Variants in SRP19 observed in about 807,000 individuals in gnomAD.
The protein encoded by SRP19 is signal recognition particle 19.
Under a neutral mutation model 22.4 loss-of-function variants are expected in SRP19, and 11 were observed. That is an observed-to-expected ratio of 0.49 (90% confidence interval 0.31 to 0.81). SRP19 has a LOEUF of 0.81. Ranked by LOEUF, SRP19 falls within the 40% of genes least tolerant of loss-of-function variation. The probability of loss-of-function intolerance (pLI) is 0.05; values close to 1 mark genes in which losing one functional copy is unlikely to be tolerated. For missense variants in SRP19, 168 were observed against 175.9 expected, an observed-to-expected ratio of 0.96 and a Z score of 0.25; for synonymous variants, 61 against 57.6, an observed-to-expected ratio of 1.06 and a Z score of -0.27.
chr5:112,878,874 G>A, intron 4 of SRP19: 1 of 1,613,538 alleles, frequency 6.2e-7, no homozygotes, highest in Non-Finnish European at 8.5e-7. Flanking sequence ...ATATATCAAA[G>A]CTCTTTCTTT....
intron 4 of SRP19, chr5:112,877,054 A>ATACT (rs1767916573): frequency 1.3e-5 from 2 of 152,048 alleles, no homozygotes; most frequent in South Asian, 2.1e-4. Flanking sequence ...ATACTCCTAG[A>ATACT]TACTTAAAAT....
At position 112,861,389 on chromosome 5, in the gene SRP19, G is replaced by A; in HGVS notation, c.13G>A (p.Ala5Thr). 6.2e-7 allele frequency: 1 copy of A among 1,614,146 alleles called. No individual in the cohort carries two copies. The highest frequency in any genetic ancestry group is 8.5e-7 in the Non-Finnish European group (1 of 1,180,036). The change falls in exon 1 of 5, where the codon GCC becomes ACC. Residue 5 changes from alanine (A) to threonine (T), a missense_variant. By Grantham distance (58) the Ala-to-Thr change is moderately conservative (BLOSUM62 0). Transcript: ENST00000505459. The part of the protein sequence containing the change: MACA[A>T]ARSPADQDRF... ...GACTCTTGTGAAGATGGCTTGCGCT[G>A]CCGCGCGGTCCCCGGCCGACCAGGA... is the stretch of plus-strand genomic sequence containing the variant.
chr5:112,878,652 A>G, intron 4 of SRP19: 1 of 1,291,582 alleles, frequency 7.7e-7, no homozygotes, highest in Non-Finnish European at 1.1e-6. Flanking sequence ...AACTTACAAC[A>G]CATTCCAATC....
At chr5:112,883,554 G>A (rs773503521) in intron 4 of SRP19, among the ~76,000 whole-genome samples, 12 of 152,192 alleles carry the variant, frequency 7.9e-5, no homozygotes, top group East Asian at 5.8e-4. Context: ...ACTCCCCAGC[G>A]TTCAGTCTTT....
chr5:112,863,281 T>A (rs1456808210), intron 2 of SRP19, among the ~76,000 whole-genome samples: 1 of 152,228 alleles, frequency 6.6e-6, no homozygotes, highest in Non-Finnish European at 1.5e-5. Context: ...TAATTTTGTA[T>A]CTTTTTTTCA....
chr5:112,883,303 T>C (rs1768134177), intron 4 of SRP19, among the ~76,000 whole-genome samples: 1 of 152,190 alleles, frequency 6.6e-6, no homozygotes, highest in African/African-American at 2.4e-5. Flanking sequence ...ACAAAATCTG[T>C]GTTATCAAAA....
At chr5:112,888,524 A>T (rs1416892770) in intron 4 of SRP19, among the ~76,000 whole-genome samples, 2 of 152,180 alleles carry the variant, frequency 1.3e-5, no homozygotes. Flanking sequence ...CTGGGTTCAA[A>T]CAATCTTCCC....
At chr5:112,862,474 C>G (rs749806969) in intron 1 of SRP19, 34 bp from the exon 2 acceptor site, 2 of 1,595,932 alleles carry the variant, frequency 1.3e-6, no homozygotes, top group Non-Finnish European at 8.6e-7. Flanking sequence ...TCTTACTGCT[C>G]TAGTGATACC....
chr5:112,884,691 C>A (rs191713550), intron 4 of SRP19, among the ~76,000 whole-genome samples: 1 of 151,594 alleles, frequency 6.6e-6, no homozygotes, highest in Admixed American at 6.6e-5. Context: ...GATTCCTTTA[C>A]TACTATTGAG....
chr5:112,881,710 G>A (rs1249210996), intron 4 of SRP19, among the ~76,000 whole-genome samples: 1 of 152,008 alleles, frequency 6.6e-6, no homozygotes, highest in South Asian at 2.1e-4. Context: ...GGGCTACTTT[G>A]CCTTAGTTCT....
At chr5:112,892,095 A>G (rs777764337) in exon 5 of SRP19, 59 of 1,613,272 alleles carry the variant, frequency 3.7e-5, no homozygotes, top group Non-Finnish European at 4.9e-5. Context: ...AAAATGATTT[A>G]GAAAATAGTA....
downstream of SRP19, chr5:112,896,633 C>A (rs1768687841): frequency 6.6e-6 from 1 of 152,030 alleles, no homozygotes; most frequent in Non-Finnish European, 1.5e-5. Context: ...GTTTACTCAA[C>A]CTTGTTCTAA....
chr5:112,861,287 G>C lies in SRP19; in HGVS notation c.-90G>C. The C allele has an allele frequency of 6.8e-7, 1 of 1,473,040 alleles. No homozygotes were observed. Among genetic ancestry groups the C allele is most frequent in the Non-Finnish European group, 9.5e-7 (1 of 1,052,032 alleles). 91.2% of individuals were successfully genotyped at this position (1,473,040 alleles called of 1,614,324 possible). A position where few individuals can be genotyped will look rare whatever the true frequency, so the allele number is the denominator to read the frequency against. On this transcript the variant is annotated 5_prime_UTR_variant, in exon 1 of 5. Coordinates refer to ENST00000505459, the MANE Select transcript of SRP19 (RefSeq NM_003135.3). Reference sequence around the variant, plus strand: ...TGGGCAGGACTTCCGGCGGAAAAGCGGGCTGTCTCGGAAACTCAGAGCCGG... The same window carrying C: ...TGGGCAGGACTTCCGGCGGAAAAGCCGGCTGTCTCGGAAACTCAGAGCCGG...
Position 112,867,639 on chromosome 5 carries a change from A to C in SRP19, c.*102A>C. ...CAGAAGCTTTTTGTTTGCATCATTT[A>C]ACTGAACTGTGAACCCTTGTGCCTC... On this transcript the variant is annotated 3_prime_UTR_variant, in exon 5 of 5. Coordinates refer to ENST00000505459, the MANE Select transcript of SRP19 (RefSeq NM_003135.3). 7.1e-7 allele frequency: 1 copy of C among 1,399,910 alleles called. No individual in the cohort carries two copies. Among genetic ancestry groups the C allele is most frequent in the Non-Finnish European group, 9.3e-7 (1 of 1,072,742 alleles). 86.7% of individuals were successfully genotyped at this position (1,399,910 alleles called of 1,614,324 possible). A position where few individuals can be genotyped will look rare whatever the true frequency, so the allele number is the denominator to read the frequency against.
intron 4 of SRP19, chr5:112,887,244 A>G (rs1445895851): frequency 1.3e-5 from 19 of 1,425,550 alleles, no homozygotes; most frequent in Admixed American, 2.1e-5. Flanking sequence ...TTCTGAGAAT[A>G]CACACTGTCT....
exon 5 of SRP19, chr5:112,892,413 G>C (rs1768502354): frequency 6.2e-7 from 1 of 1,614,130 alleles, no homozygotes; most frequent in Non-Finnish European, 8.5e-7. Flanking sequence ...TGGGGAAAGT[G>C]ATTCAGTTCA....
intron 4 of SRP19, chr5:112,876,964 A>C (rs889722365): frequency 2.0e-5 from 3 of 152,166 alleles, no homozygotes; most frequent in Admixed American, 6.5e-5. Context: ...ATCTGATTAT[A>C]TAGTCTATAT....
Position 112,868,112 on chromosome 5 carries a change from T to C in SRP19, c.*575T>C, listed in dbSNP as rs2150027979. On this transcript the variant is annotated 3_prime_UTR_variant, in exon 5 of 5. Coordinates refer to ENST00000505459, the MANE Select transcript of SRP19 (RefSeq NM_003135.3). ...TTATTGTAATCGAATCGTTCAGTTG[T>C]TTTTTGACATGGAAAGTCCTGGATT... is the stretch of plus-strand genomic sequence containing the variant. The C allele has an allele frequency of 2.0e-6, 2 of 983,986 alleles. No homozygotes were observed. The highest frequency in any genetic ancestry group is 1.2e-4 in the Admixed American group (2 of 16,260). 61.0% of individuals were successfully genotyped at this position (983,986 alleles called of 1,614,324 possible).
intron 4 of SRP19, among the ~76,000 whole-genome samples, chr5:112,879,841 G>A (rs1337551690): frequency 2.6e-5 from 4 of 152,050 alleles, no homozygotes; most frequent in Non-Finnish European, 5.9e-5. Flanking sequence ...CACTTTGGGA[G>A]GCTGAGGTGG....
Sources: gnomAD v4.1 joint callset for allele counts (sites outside exome capture counted in the v4.1 genomes callset) on GRCh38, gnomAD v4.1.1 for gene constraint, MANE v1.5 for transcripts, NCBI Gene and HGNC (gene_info 2026-07-23, HGNC 2026-07-21) for gene names.